The following MYT1L variants were observed in gnomAD, a reference collection of about 807,000 sequenced individuals.
MYT1L encodes the protein myelin transcription factor 1 like, also known as myelin transcription factor 1-like protein.
MYT1L carries 12 observed loss-of-function variants against 126.7 expected under a neutral mutation model. That is an observed-to-expected ratio of 0.09 (90% confidence interval 0.06 to 0.15). MYT1L has a LOEUF of 0.15. MYT1L is among the 10% of genes least tolerant of loss of function. The probability of loss-of-function intolerance (pLI) is 1.00; values close to 1 mark genes in which losing one functional copy is unlikely to be tolerated. For missense variants in MYT1L, 979 were observed against 1,585.2 expected (o/e 0.62, Z 6.49); for synonymous variants, 541 against 604.2 (o/e 0.90, Z 1.53).
At chr2:2,027,442 GCCGGATGACCC>G (rs2065762457) in intron 4 of MYT1L, among the ~76,000 whole-genome samples, 1 of 152,210 alleles carries the variant, frequency 6.6e-6, no homozygotes, top group Non-Finnish European at 1.5e-5. Context: ...CACAGACGCT[GCCGGATGACCC>G]CCGGCCATTC....
chr2:2,127,007 G>A (rs2081794481), intron 3 of MYT1L, among the ~76,000 whole-genome samples: 1 of 152,158 alleles, frequency 6.6e-6, no homozygotes, highest in Non-Finnish European at 1.5e-5. Flanking sequence ...CAATTCTCTG[G>A]GTTTATGCAT....
chr2:2,007,541 A>C (rs2063449602), intron 4 of MYT1L, among the ~76,000 whole-genome samples: 1 of 152,222 alleles, frequency 6.6e-6, no homozygotes. Flanking sequence ...AGGAGTTGCT[A>C]CCTGTGGAGA....
At chr2:1,899,420 C>T (rs750287004) in intron 14 of MYT1L, among the ~76,000 whole-genome samples, 5 of 152,210 alleles carry the variant, frequency 3.3e-5, no homozygotes, top group Non-Finnish European at 7.3e-5. Context: ...CTTAGCTCAC[C>T]ATGCAAAACA....
At chr2:2,218,446 A>G (rs1022375842) in intron 2 of MYT1L, among the ~76,000 whole-genome samples, 2 of 152,204 alleles carry the variant, frequency 1.3e-5, no homozygotes, top group African/African-American at 4.8e-5. Context: ...ACCTATGTTG[A>G]GTGCAAGAAT....
chr2:1,869,644 C>G (rs1438227637), intron 18 of MYT1L, among the ~76,000 whole-genome samples: 2 of 152,206 alleles, frequency 1.3e-5, no homozygotes, highest in Non-Finnish European at 2.9e-5. Context: ...CTGTTCTGGT[C>G]TGTGGTATCT....
chr2:1,877,891 A>C (rs770979090), intron 18 of MYT1L, among the ~76,000 whole-genome samples: 1 of 152,202 alleles, frequency 6.6e-6, no homozygotes, highest in Non-Finnish European at 1.5e-5. Flanking sequence ...CCGTGGACTA[A>C]GCTTTTCTCT....
chr2:2,268,183 C>T (rs1208308484), intron 2 of MYT1L, among the ~76,000 whole-genome samples: 1 of 152,008 alleles, frequency 6.6e-6, no homozygotes, highest in Non-Finnish European at 1.5e-5. Flanking sequence ...TTTCCTGAGT[C>T]GTAAATAATC....
intron 1 of MYT1L, among the ~76,000 whole-genome samples, chr2:2,318,580 G>A (rs529613760): frequency 6.6e-6 from 1 of 152,292 alleles, no homozygotes; most frequent in South Asian, 2.1e-4. Context: ...CACTTGGGCA[G>A]CAAAACTATC....
At chr2:1,977,004 C>A (rs35594925) in intron 8 of MYT1L, among the ~76,000 whole-genome samples, 1 of 152,128 alleles carries the variant, frequency 6.6e-6, no homozygotes, top group Admixed American at 6.6e-5. Flanking sequence ...GGCCAAGTAA[C>A]CGGGAAATAG....
intron 3 of MYT1L, among the ~76,000 whole-genome samples, chr2:2,116,638 A>G (rs1325579814): frequency 2.0e-5 from 3 of 152,246 alleles, no homozygotes; most frequent in African/African-American, 7.2e-5. Flanking sequence ...ATGCAGTGCA[A>G]TTGATGCCAT....
At chr2:1,958,624 C>G (rs1372744575) in intron 8 of MYT1L, among the ~76,000 whole-genome samples, 1 of 152,194 alleles carries the variant, frequency 6.6e-6, no homozygotes, top group East Asian at 1.9e-4. Flanking sequence ...TCCGTCAGAG[C>G]CGCTCTGTGC....
chr2:2,122,416 C>G (rs2081149989), intron 3 of MYT1L, among the ~76,000 whole-genome samples: 1 of 152,176 alleles, frequency 6.6e-6, no homozygotes, highest in South Asian at 2.1e-4. Context: ...GGCATCAGAG[C>G]CACCATCATC....
At chr2:2,115,564 TAAACTA>T (rs1192656636) in intron 3 of MYT1L, among the ~76,000 whole-genome samples, 2 of 152,248 alleles carry the variant, frequency 1.3e-5, no homozygotes, top group African/African-American at 4.8e-5. Context: ...TGTGTAAACT[TAAACTA>T]AAAAGGTCAA....
chr2:2,127,804 C>T (rs896374621), intron 3 of MYT1L, among the ~76,000 whole-genome samples: 12 of 152,256 alleles, frequency 7.9e-5, no homozygotes, highest in Non-Finnish European at 1.6e-4. Context: ...ATCACATTTC[C>T]CTGCATCCAC....
intron 20 of MYT1L, among the ~76,000 whole-genome samples, chr2:1,839,859 C>G (rs2041424418): frequency 6.6e-6 from 1 of 152,206 alleles, no homozygotes; most frequent in African/African-American, 2.4e-5. Flanking sequence ...CTTAAAATGC[C>G]CTTCCAGCTA....
chr2:1,914,446 C>G (rs1258984894), intron 11 of MYT1L, among the ~76,000 whole-genome samples: 1 of 151,852 alleles, frequency 6.6e-6, no homozygotes, highest in Admixed American at 6.6e-5. Flanking sequence ...ATGTATGGAC[C>G]CTCCTTCATT....
chr2:1,842,756 C>T (rs562389657), intron 19 of MYT1L: 1 of 155,092 alleles, frequency 6.4e-6, no homozygotes, highest in Non-Finnish European at 1.4e-5. Context: ...GACTCATCGT[C>T]CACGTCACCA....
intron 3 of MYT1L, among the ~76,000 whole-genome samples, chr2:2,073,185 A>G (rs2074813769): frequency 6.6e-6 from 1 of 152,166 alleles, no homozygotes; most frequent in Non-Finnish European, 1.5e-5. Context: ...AGAGGACACA[A>G]ACATTGAGTC....
At chr2:2,261,565 T>G (rs1047408175) in intron 2 of MYT1L, among the ~76,000 whole-genome samples, 3 of 152,138 alleles carry the variant, frequency 2.0e-5, no homozygotes, top group Non-Finnish European at 2.9e-5. Context: ...AGTTGGCAGG[T>G]GAGATGTTCA....
Sources: allele counts gnomAD v4.1 joint callset (sites outside exome capture counted in the v4.1 genomes callset), GRCh38; gene constraint gnomAD v4.1.1; transcripts MANE v1.5; gene names NCBI Gene and HGNC (gene_info 2026-07-23, HGNC 2026-07-21).